The following NOL4L variants were observed in gnomAD, a reference collection of about 807,000 sequenced individuals.
The protein encoded by NOL4L is nucleolar protein 4-like.
In NOL4L, 7 loss-of-function variants were observed where a neutral mutation model predicts 64.5. That is an observed-to-expected ratio of 0.11 (90% CI 0.06 to 0.20). The LOEUF is 0.20. NOL4L is among the 10% of genes least tolerant of loss of function. NOL4L has a pLI of 1.00. For synonymous variants in NOL4L, 413 were observed against 401.0 expected (o/e 1.03, Z -0.36); for missense variants, 680 against 967.1 (o/e 0.70, Z 3.94).
chr20:32,488,869 T>G (rs1284737504), intron 4 of NOL4L, among the ~76,000 whole-genome samples: 1 of 106,216 alleles, frequency 9.4e-6, no homozygotes, highest in African/African-American at 5.2e-5. Context: ...CTTTCTTTCT[T>G]TCTTTCTTTC....
chr20:32,579,166 C>T (rs568297336), intron 1 of NOL4L, among the ~76,000 whole-genome samples: 1 of 152,242 alleles, frequency 6.6e-6, no homozygotes, highest in Non-Finnish European at 1.5e-5. Flanking sequence ...GTCACACCCG[C>T]AGCTGCCAAG....
At chr20:32,516,207 G>C (rs550070074) in intron 3 of NOL4L, among the ~76,000 whole-genome samples, 3 of 152,154 alleles carry the variant, frequency 2.0e-5, no homozygotes, top group Admixed American at 2.0e-4. Flanking sequence ...GCACAGAGAG[G>C]CCGTGAGACC....
intron 4 of NOL4L, among the ~76,000 whole-genome samples, chr20:32,481,968 G>GA (rs903569856): frequency 6.7e-6 from 1 of 149,124 alleles, no homozygotes; most frequent in East Asian, 2.0e-4. Context: ...GCGGGGCGGG[G>GA]GGGGGGGAGC....
chr20:32,452,463 G>A (rs1600629689), intron 9 of NOL4L, 26 bp from the exon 10 acceptor site: 1 of 1,531,634 alleles, frequency 6.5e-7, no homozygotes, highest in East Asian at 2.3e-5. Flanking sequence ...GGGGGCGCTG[G>A]GGAAACCAAG....
chr20:32,541,340 C>T (rs554475942), intron 1 of NOL4L, among the ~76,000 whole-genome samples: 5 of 152,368 alleles, frequency 3.3e-5, no homozygotes, highest in South Asian at 4.1e-4. Flanking sequence ...CTGGAGCTCA[C>T]TTCTACATTA....
intron 3 of NOL4L, chr20:32,519,741 G>C (rs754045309): frequency 2.6e-5 from 4 of 152,362 alleles, no homozygotes; most frequent in Non-Finnish European, 5.9e-5. Context: ...CACTGGGCAG[G>C]ACAGAGCTGG....
chr20:32,462,130 G>A (rs1052033675), intron 5 of NOL4L, among the ~76,000 whole-genome samples: 1 of 152,234 alleles, frequency 6.6e-6, no homozygotes, highest in Non-Finnish European at 1.5e-5. Flanking sequence ...TGGGCCCGTG[G>A]TGCAGGGAGG....
chr20:32,495,481 G>A (rs974600070), intron 4 of NOL4L, among the ~76,000 whole-genome samples: 1 of 152,216 alleles, frequency 6.6e-6, no homozygotes, highest in Non-Finnish European at 1.5e-5. Context: ...GTAGGTAGGC[G>A]GGCTCTGGGC....
chr20:32,459,446 C>T (rs1302937810), intron 5 of NOL4L, among the ~76,000 whole-genome samples: 3 of 145,958 alleles, frequency 2.1e-5, no homozygotes, highest in African/African-American at 7.7e-5. Flanking sequence ...TGCAATGGGG[C>T]GATCTTGGCT....
chr20:32,525,394 C>T (rs1398543468), intron 2 of NOL4L, among the ~76,000 whole-genome samples: 3 of 152,216 alleles, frequency 2.0e-5, no homozygotes, highest in African/African-American at 7.2e-5. Context: ...GTGTGGTGGT[C>T]AGGGCACAGG....
chr20:32,465,154 G>A (rs895339655), intron 5 of NOL4L: 61 of 484,284 alleles, frequency 1.3e-4, no homozygotes, highest in Non-Finnish European at 1.7e-4. Flanking sequence ...AGGGGGAGGT[G>A]GACACCAATT....
At chr20:32,584,540 C>G in intron 1 of NOL4L, 30 bp downstream of exon 1, 1 of 1,312,406 alleles carries the variant, frequency 7.6e-7, no homozygotes, top group Non-Finnish European at 9.8e-7. Context: ...CGCGGCGGGA[C>G]CCGCCCGCGG....
In NOL4L at chr20:32,520,984, G is replaced by A. The variant is rs183547096; in HGVS notation, c.478-62C>T. The A allele has an allele frequency of 4.5e-5, 49 of 1,088,640 alleles. 1 individual carries two copies. In the East Asian group the frequency reaches 9.8e-4, roughly 22 times the overall value. The allele number at this position is 1,088,640 out of a possible 1,614,324, so 67.4% of individuals were successfully genotyped here. A position where few individuals can be genotyped will look rare whatever the true frequency, so the allele number is the denominator to read the frequency against. On this transcript the variant is annotated intron_variant, in intron 2 of 10. Coordinates refer to ENST00000621426, the MANE Select transcript of NOL4L (RefSeq NM_001256798.2). ...TGTGGGGAGGCAACTTGGCCATGGG[G>A]TCACCAAGGTCTGAGCTTTGGTGGC...
At chr20:32,490,527 C>A (rs1047551424) in intron 4 of NOL4L, among the ~76,000 whole-genome samples, 1 of 152,150 alleles carries the variant, frequency 6.6e-6, no homozygotes, top group Non-Finnish European at 1.5e-5. Flanking sequence ...GGCCATAGCG[C>A]TGACTATCCA....
intron 5 of NOL4L, among the ~76,000 whole-genome samples, chr20:32,459,147 C>T (rs2013818251): frequency 6.6e-6 from 1 of 152,196 alleles, no homozygotes; most frequent in African/African-American, 2.4e-5. Context: ...GTGCTAGGAC[C>T]TCGTATGGCC....
At chr20:32,507,014 G>C (rs1359047020) in intron 4 of NOL4L, among the ~76,000 whole-genome samples, 3 of 152,226 alleles carry the variant, frequency 2.0e-5, no homozygotes, top group Admixed American at 6.5e-5. Context: ...AGGGAGGCAA[G>C]GGAGGTGCCC....
At chr20:32,569,560 G>A (rs554215027) in intron 1 of NOL4L, among the ~76,000 whole-genome samples, 1 of 152,214 alleles carries the variant, frequency 6.6e-6, no homozygotes, top group East Asian at 1.9e-4. Context: ...CCTGGGAAAG[G>A]GGGGCTCAGA....
chr20:32,528,347 C>T (rs566517204), intron 1 of NOL4L, among the ~76,000 whole-genome samples: 172 of 152,286 alleles, frequency 1.1e-3, no homozygotes, highest in Non-Finnish European at 1.8e-3. Context: ...GCTGGGGTCC[C>T]GGGGGAACAG....
intron 2 of NOL4L, 114 bp downstream of exon 2, chr20:32,527,644 G>T: frequency 7.7e-7 from 1 of 1,294,594 alleles, no homozygotes; most frequent in Non-Finnish European, 1.0e-6. Context: ...CCCAAAGGCC[G>T]TTTCATCACG....
Sources: allele counts gnomAD v4.1 joint callset (sites outside exome capture counted in the v4.1 genomes callset), GRCh38; gene constraint gnomAD v4.1.1; transcripts MANE v1.5; gene names NCBI Gene and HGNC (gene_info 2026-07-23, HGNC 2026-07-21).